Variants in MCF2L2 observed in about 807,000 individuals in gnomAD.
MCF2L2 encodes the protein probable guanine nucleotide exchange factor MCF2L2.
MCF2L2 carries 102 observed loss-of-function variants against 150.2 expected under a neutral mutation model. The observed-to-expected ratio is 0.68, with a 90% CI of 0.58 to 0.80. MCF2L2 has a LOEUF of 0.80. Ranked by LOEUF, MCF2L2 falls within the 30% of genes least tolerant of loss-of-function variation. The probability of loss-of-function intolerance (pLI) is 0.00; values close to 1 mark genes in which losing one functional copy is unlikely to be tolerated. For missense variants in MCF2L2, 1,256 were observed against 1,372.8 expected (o/e 0.91, Z 1.34); for synonymous variants, 465 against 491.3 (o/e 0.95, Z 0.71).
chr3:183,252,916 C>T (rs1344477689), intron 15 of MCF2L2, among the ~76,000 whole-genome samples: 6 of 152,168 alleles, frequency 3.9e-5, no homozygotes, highest in Admixed American at 3.9e-4. Flanking sequence ...TAATCTCTCT[C>T]GTTGAGTAGA....
At chr3:183,335,061 T>C (rs1488637795) in intron 5 of MCF2L2, among the ~76,000 whole-genome samples, 1 of 149,798 alleles carries the variant, frequency 6.7e-6, no homozygotes, top group Non-Finnish European at 1.5e-5. Flanking sequence ...GAGGCTGCAG[T>C]GAGCTGTGAT....
In MCF2L2 at chr3:183,197,323, C is replaced by T. The variant is rs1023388866; in HGVS notation, c.2885-2068G>A. 6.6e-6 allele frequency among the ~76,000 whole-genome samples: 1 copy of T among 152,162 alleles called. No individual in the cohort carries two copies. The highest frequency in any genetic ancestry group is 2.4e-5 in the African/African-American group (1 of 41,442). On this transcript the variant is annotated intron_variant, in intron 25 of 29. Transcript: ENST00000328913. This position sits in a 1 kb window ranked among gnomAD's most constrained non-coding sequence, Gnocchi z 4.5. Reference sequence around the variant, plus strand: ...AATCAGGCATCCAGAAATAGATGCACTTACATAAATCATCAATTGGAGAAA... The same window carrying T: ...AATCAGGCATCCAGAAATAGATGCATTTACATAAATCATCAATTGGAGAAA...
intron 3 of MCF2L2, among the ~76,000 whole-genome samples, chr3:183,343,371 ATTTTTTT>A (rs199910390): frequency 1.4e-5 from 2 of 140,890 alleles, no homozygotes; most frequent in Non-Finnish European, 1.6e-5. Context: ...TGATAACTTG[ATTTTTTT>A]TTTTTTTTTT....
intron 15 of MCF2L2, among the ~76,000 whole-genome samples, chr3:183,262,251 T>C (rs1207055402): frequency 6.6e-6 from 1 of 151,426 alleles, no homozygotes; most frequent in Non-Finnish European, 1.5e-5. Context: ...TCTTGTTTTA[T>C]GATACTTTAG....
At chr3:183,349,807 T>C (rs1328414249) in intron 3 of MCF2L2, among the ~76,000 whole-genome samples, 3 of 152,110 alleles carry the variant, frequency 2.0e-5, no homozygotes, top group Non-Finnish European at 2.9e-5. Context: ...CCTTCCACTG[T>C]TTTTTTCACA....
chr3:183,229,311 A>C (rs1404887025), intron 17 of MCF2L2, among the ~76,000 whole-genome samples: 1 of 152,202 alleles, frequency 6.6e-6, no homozygotes, highest in Admixed American at 6.5e-5. Context: ...TAGTATGGAG[A>C]TGTGTATCTT....
At chr3:183,211,954 A>T (rs2108652124) in intron 22 of MCF2L2, among the ~76,000 whole-genome samples, 1 of 152,302 alleles carries the variant, frequency 6.6e-6, no homozygotes, top group Admixed American at 6.5e-5. Flanking sequence ...CTTTGCAGAT[A>T]CAATTGGTTA....
intron 22 of MCF2L2, among the ~76,000 whole-genome samples, chr3:183,210,651 G>A (rs1045328278): frequency 6.6e-6 from 1 of 152,186 alleles, no homozygotes; most frequent in Non-Finnish European, 1.5e-5. Flanking sequence ...GATAGGGGAA[G>A]GGGGAATAAG....
chr3:183,190,185 A>G (rs1033508121), intron 27 of MCF2L2, among the ~76,000 whole-genome samples: 1 of 152,220 alleles, frequency 6.6e-6, no homozygotes, highest in Admixed American at 6.5e-5. Context: ...CTCAAATGCT[A>G]GAGACATTGC....
chr3:183,219,480 G>A (rs1267972401), intron 21 of MCF2L2, among the ~76,000 whole-genome samples: 9 of 152,000 alleles, frequency 5.9e-5, no homozygotes, highest in Admixed American at 2.0e-4. Flanking sequence ...GCATGGTGGC[G>A]GGCACCTGTA....
rs924054641 is a variant in MCF2L2 at position 183,428,354 on chromosome 3, C to G, written c.-377G>C. The G allele has an allele frequency of 3.1e-5, 8 of 256,932 alleles. No individual in the cohort carries two copies. Among genetic ancestry groups the G allele is most frequent in the African/African-American group, 2.3e-5 (1 of 42,772 alleles). The allele number at this position is 256,932 out of a possible 1,614,324, so 15.9% of individuals were successfully genotyped here. ...AGGTTTCCGGCGCCGCCTCCAGGGACTGTAGAGTGAGGGATGCTCCGCCAG... is the reference window on the plus strand; with the variant it reads ...AGGTTTCCGGCGCCGCCTCCAGGGAGTGTAGAGTGAGGGATGCTCCGCCAG... On this transcript the variant is annotated 5_prime_UTR_variant, in exon 1 of 30. Coordinates refer to ENST00000328913, the MANE Select transcript of MCF2L2 (RefSeq NM_015078.4). This position sits in a 1 kb window ranked among gnomAD's most constrained non-coding sequence, Gnocchi z 5.1.
chr3:183,230,971 C>T lies in MCF2L2; in HGVS notation c.1909G>A (p.Glu637Lys), dbSNP rs1481725512. ...CTTACATCAATTATGCTTTTAATCT[C>T]TTTTATGTAAATCTCTTCAGTCTCA... The part of the protein sequence containing the change: ...LLETEEIYIK[E>K]IKSIIDGYIT... The change falls in exon 16 of 30, where the codon GAG becomes AAG. Residue 637 changes from glutamate (E) to lysine (K), a missense_variant. Glu to Lys is a moderately conservative substitution (Grantham distance 56). Transcript: ENST00000328913. 1 of 1,613,786 alleles carries T rather than the reference C, an allele frequency of 6.2e-7. No homozygotes were observed. The highest frequency in any genetic ancestry group is 1.1e-5 in the South Asian group (1 of 91,062).
At chr3:183,265,744 T>TC (rs1197910544) in intron 15 of MCF2L2, among the ~76,000 whole-genome samples, 16 of 152,344 alleles carry the variant, frequency 1.1e-4, no homozygotes, top group African/African-American at 3.6e-4. Flanking sequence ...TCCTAAATCT[T>TC]CCCCTTATCA....
chr3:183,424,514 T>C (rs1443995536), intron 1 of MCF2L2, among the ~76,000 whole-genome samples: 1 of 152,220 alleles, frequency 6.6e-6, no homozygotes, highest in African/African-American at 2.4e-5. Flanking sequence ...ATTCTGCATC[T>C]CCTTAGAGTG....
intron 3 of MCF2L2, among the ~76,000 whole-genome samples, chr3:183,350,097 A>T (rs1273606391): frequency 3.3e-5 from 5 of 152,174 alleles, no homozygotes. Context: ...TTCGCTCCAC[A>T]CAGACTAAGA....
chr3:183,191,091 G>A (rs951253262), intron 27 of MCF2L2, among the ~76,000 whole-genome samples: 1 of 151,974 alleles, frequency 6.6e-6, no homozygotes, highest in African/African-American at 2.4e-5. Flanking sequence ...GGCCTGGCTA[G>A]TCTTCAACTC....
At position 183,295,326 on chromosome 3, in the gene MCF2L2, G is replaced by A. The variant is rs1195619547; in HGVS notation, c.1649C>T (p.Ser550Leu). Residue 550 changes from serine (S) to leucine (L), a missense_variant, in exon 13 of 30, where the codon TCA becomes TTA. Ser to Leu is a moderately radical substitution (Grantham distance 145). Coordinates refer to ENST00000328913, the MANE Select transcript of MCF2L2 (RefSeq NM_015078.4). ...HPESSPKWVS[S>L]KTSQPSTSVP... ...CGAGGTGGAGGGCTGGCTGGTTTTT[G>A]ATGACACCCATTTTGGTGAAGACTC... 2 of 1,609,332 alleles carry A rather than the reference G, an allele frequency of 1.2e-6. No homozygotes were observed. Among genetic ancestry groups the A allele is most frequent in the South Asian group, 2.2e-5 (2 of 90,472 alleles).
chr3:183,407,045 A>G (rs1715079404), intron 1 of MCF2L2, among the ~76,000 whole-genome samples: 1 of 152,184 alleles, frequency 6.6e-6, no homozygotes, highest in Non-Finnish European at 1.5e-5. Context: ...GGGGTGAGGT[A>G]TACATAAGGA....
At chr3:183,284,675 T>C (rs142847448) in intron 14 of MCF2L2, among the ~76,000 whole-genome samples, 3,002 of 151,914 alleles carry the variant, frequency 0.02, 59 homozygotes, top group East Asian at 0.052. Flanking sequence ...GCACTCCAGC[T>C]TGGGCAACAA....
Sources: gnomAD v4.1 joint callset for allele counts (sites outside exome capture counted in the v4.1 genomes callset) on GRCh38, gnomAD v4.1.1 for gene constraint, Gnocchi (gnomAD v3.1) non-coding constraint, MANE v1.5 for transcripts, NCBI Gene and HGNC (gene_info 2026-07-23, HGNC 2026-07-21) for gene names.